The following HERC4 variants were observed in gnomAD, a reference collection of about 807,000 sequenced individuals.
The protein encoded by HERC4 is probable E3 ubiquitin-protein ligase HERC4.
HERC4 carries 28 observed loss-of-function variants against 124.3 expected under a neutral mutation model. The observed-to-expected ratio is 0.23, with a 90% CI of 0.17 to 0.31. The LOEUF (loss-of-function observed/expected upper bound fraction) is 0.31. Among genes scored for constraint, HERC4 ranks in the 10% least tolerant of loss-of-function variants. The pLI, the probability that HERC4 is intolerant of heterozygous loss-of-function variation, is 1.00. For missense variants in HERC4, 713 were observed against 1,229.3 expected (o/e 0.58, Z 6.28); for synonymous variants, 407 against 421.5 (o/e 0.97, Z 0.42).
chr10:68,067,791 C>T (rs771646915), intron 3 of HERC4: 5 of 152,106 alleles, frequency 3.3e-5, no homozygotes, highest in Non-Finnish European at 7.4e-5. Flanking sequence ...AAAAAGAGTT[C>T]AACATAAACC....
chr10:67,934,886 T>A (rs1382438810), intron 22 of HERC4, among the ~76,000 whole-genome samples: 1 of 151,904 alleles, frequency 6.6e-6, no homozygotes, highest in East Asian at 1.9e-4. Flanking sequence ...CTTGAAAAGA[T>A]GTCATTCGTT....
intron 9 of HERC4, among the ~76,000 whole-genome samples, chr10:68,006,694 T>C (rs2037588828): frequency 6.6e-6 from 1 of 152,110 alleles, no homozygotes; most frequent in Non-Finnish European, 1.5e-5. Flanking sequence ...CAGTTTTTGT[T>C]TGTCTGGGAA....
At chr10:68,044,701 C>CT in intron 3 of HERC4, 138 bp from the exon 4 acceptor site, 1 of 727,980 alleles carries the variant, frequency 1.4e-6, no homozygotes, top group Non-Finnish European at 2.3e-6. Flanking sequence ...AATGCTTAAA[C>CT]ACACACTAGA....
At chr10:67,968,268 T>C (rs1395734159) in intron 15 of HERC4, among the ~76,000 whole-genome samples, 3 of 151,962 alleles carry the variant, frequency 2.0e-5, no homozygotes. Flanking sequence ...TGGCTAACTC[T>C]AAACCATGAA....
intron 9 of HERC4, among the ~76,000 whole-genome samples, chr10:68,003,905 CA>C (rs1228708017): frequency 1.3e-5 from 2 of 152,124 alleles, no homozygotes; most frequent in Non-Finnish European, 2.9e-5. Flanking sequence ...GTTCTATTTT[CA>C]GTTTTTTTAA....
At chr10:67,945,375 GGACAAATAAA>G (rs1010806895) in intron 19 of HERC4, among the ~76,000 whole-genome samples, 1 of 152,056 alleles carries the variant, frequency 6.6e-6, no homozygotes, top group Admixed American at 6.6e-5. Flanking sequence ...CAAACATGAA[GGACAAATAAA>G]GATCTTCCCA....
intron 23 of HERC4, among the ~76,000 whole-genome samples, chr10:67,930,644 T>C (rs2132022352): frequency 6.6e-6 from 1 of 152,344 alleles, no homozygotes; most frequent in Non-Finnish European, 1.5e-5. Context: ...AGGTATACAG[T>C]ATCTAACTAA....
At chr10:68,056,532 G>C (rs2040558474) in intron 3 of HERC4, among the ~76,000 whole-genome samples, 1 of 152,168 alleles carries the variant, frequency 6.6e-6, no homozygotes, top group South Asian at 2.1e-4. Context: ...GGCTGTACTT[G>C]GTAGTACACA....
chr10:67,959,526 C>CT (rs1444988891), intron 16 of HERC4, among the ~76,000 whole-genome samples: 1 of 151,818 alleles, frequency 6.6e-6, no homozygotes, highest in Non-Finnish European at 1.5e-5. Context: ...ATTCCTCAGA[C>CT]TTTAAGACTT....
chr10:67,962,797 T>C (rs1048021958), intron 16 of HERC4, among the ~76,000 whole-genome samples: 7 of 152,044 alleles, frequency 4.6e-5, no homozygotes, highest in Admixed American at 4.6e-4. Flanking sequence ...ATAGTGCACA[T>C]AGAGAAAGGC....
At position 68,032,767 on chromosome 10, in the gene HERC4, A is replaced by G. The variant is rs1186695751; in HGVS notation, c.777+11T>C. On this transcript the variant is annotated intron_variant, in intron 7 of 24. Coordinates refer to ENST00000373700, the MANE Select transcript of HERC4 (RefSeq NM_015601.4). ...ATGAGTAATAATAAAGAAGTTTTAG[A>G]AGTACAATACCTTGGTTAGAGCAGC... 2.9e-6 allele frequency: 4 copies of G among 1,374,274 alleles called. No individual in the cohort carries two copies. In the African/African-American group the frequency reaches 5.7e-5, roughly 20 times the overall value. The allele number at this position is 1,374,274 out of a possible 1,614,324, so 85.1% of individuals were successfully genotyped here. A position where few individuals can be genotyped will look rare whatever the true frequency, so the allele number is the denominator to read the frequency against.
intron 21 of HERC4, among the ~76,000 whole-genome samples, chr10:67,938,458 A>AGAAAAGAAAAGG (rs1554899051): frequency 0.029 from 4,356 of 149,540 alleles, 227 homozygotes; most frequent in African/African-American, 0.1. Context: ...AAAAAAAAAA[A>AGAAAAGAAAAGG]GAAAAGAAAA....
chr10:68,033,194 T>C (rs1487817504), intron 6 of HERC4, among the ~76,000 whole-genome samples: 2 of 152,160 alleles, frequency 1.3e-5, no homozygotes, highest in South Asian at 2.1e-4. Flanking sequence ...TCATGATAGT[T>C]ACACCCACAG....
At chr10:68,065,306 AAT>A (rs1220447798) in intron 3 of HERC4, among the ~76,000 whole-genome samples, 1 of 152,204 alleles carries the variant, frequency 6.6e-6, no homozygotes, top group Non-Finnish European at 1.5e-5. Context: ...AAAAACTAAA[AAT>A]ATGTTATTTC....
At chr10:67,947,839 C>CTTTTTTT (rs34189806) in intron 19 of HERC4, among the ~76,000 whole-genome samples, 40 of 107,300 alleles carry the variant, frequency 3.7e-4, no homozygotes, top group Admixed American at 5.5e-4. Flanking sequence ...ACAATACACT[C>CTTTTTTT]TTTTTTTTTT....
intron 16 of HERC4, among the ~76,000 whole-genome samples, chr10:67,958,291 G>T (rs2034276129): frequency 6.6e-6 from 1 of 152,050 alleles, no homozygotes; most frequent in Non-Finnish European, 1.5e-5. Flanking sequence ...TCCTATATTT[G>T]TGGCACTGCC....
chr10:67,996,135 G>A (rs781481767), intron 9 of HERC4: 2 of 450,378 alleles, frequency 4.4e-6, no homozygotes, highest in Admixed American at 2.4e-5. Flanking sequence ...GCAAGACCTC[G>A]CCTCTACAAA....
intron 3 of HERC4, chr10:68,070,109 T>C: frequency 1.0e-6 from 1 of 985,126 alleles, no homozygotes; most frequent in Non-Finnish European, 1.2e-6. Flanking sequence ...TATTACATTG[T>C]CCCAGAAATA....
Position 67,981,729 on chromosome 10 carries a change from G to A in HERC4, c.1806+6934C>T, listed in dbSNP as rs141664940. Among the ~76,000 whole-genome samples, 68 of 152,244 alleles carry A rather than the reference G, an allele frequency of 4.5e-4. 1 individual carries two copies. The South Asian group carries it at 8.9e-3, about 20-fold the overall frequency. ...TCCCAGCACTTTGGGAGGCCAAGGCGGGTGGATTACTTGAGGCCAGGAGTT... is the reference window on the plus strand; with the variant it reads ...TCCCAGCACTTTGGGAGGCCAAGGCAGGTGGATTACTTGAGGCCAGGAGTT... On this transcript the variant is annotated intron_variant, in intron 15 of 24. Coordinates refer to ENST00000373700, the MANE Select transcript of HERC4 (RefSeq NM_015601.4).
Sources: allele counts gnomAD v4.1 joint callset (sites outside exome capture counted in the v4.1 genomes callset), GRCh38; gene constraint gnomAD v4.1.1; transcripts MANE v1.5; gene names NCBI Gene and HGNC (gene_info 2026-07-23, HGNC 2026-07-21).